The following RYR2 variants were observed in gnomAD, a reference collection of about 807,000 sequenced individuals.
The protein encoded by RYR2 is ryanodine receptor 2, also known as cardiac muscle ryanodine receptor-calcium release channel.
In RYR2, 227 loss-of-function variants were observed where a neutral mutation model predicts 601.1. That is an observed-to-expected ratio of 0.38 (90% confidence interval 0.34 to 0.42). RYR2 has a LOEUF of 0.42. Ranked by LOEUF, RYR2 falls within the 10% of genes least tolerant of loss-of-function variation. The pLI, the probability that RYR2 is intolerant of heterozygous loss-of-function variation, is 1.00. For missense variants in RYR2, 4,646 were observed against 6,156.5 expected (o/e 0.75, Z 8.21); for synonymous variants, 2,223 against 2,175.1 (o/e 1.02, Z -0.61).
intron 78 of RYR2, among the ~76,000 whole-genome samples, chr1:237,732,891 A>T (rs776330490): frequency 1.3e-5 from 2 of 152,110 alleles, no homozygotes; most frequent in Non-Finnish European, 2.9e-5. Context: ...AGAATTTGGG[A>T]TGTAATTTAA....
At chr1:237,279,417 T>G (rs1690625322) in intron 2 of RYR2, among the ~76,000 whole-genome samples, 1 of 152,184 alleles carries the variant, frequency 6.6e-6, no homozygotes, top group Non-Finnish European at 1.5e-5. Context: ...TTATACTAAA[T>G]TAAATTCTGA....
intron 1 of RYR2, among the ~76,000 whole-genome samples, chr1:237,122,864 T>C (rs1670966584): frequency 6.6e-6 from 1 of 152,232 alleles, no homozygotes; most frequent in South Asian, 2.1e-4. Flanking sequence ...ATAATTTCCT[T>C]GAAGGTTAAC....
At chr1:237,295,770 A>G (rs1006792976) in intron 2 of RYR2, among the ~76,000 whole-genome samples, 1 of 152,204 alleles carries the variant, frequency 6.6e-6, no homozygotes, top group Admixed American at 6.5e-5. Context: ...TAAAATTCAT[A>G]CAGGTTTAGT....
intron 17 of RYR2, among the ~76,000 whole-genome samples, chr1:237,479,460 A>C (rs1397192039): frequency 1.3e-5 from 2 of 152,186 alleles, no homozygotes; most frequent in Non-Finnish European, 2.9e-5. Context: ...CTGCAGGAGA[A>C]CTTTTAAAAT....
chr1:237,538,420 A>T (rs1394312027), intron 25 of RYR2, among the ~76,000 whole-genome samples: 5 of 147,510 alleles, frequency 3.4e-5, no homozygotes, highest in African/African-American at 1.2e-4. Context: ...AAAAAAAAAA[A>T]AAAAAAAGGG....
chr1:237,402,820 T>G (rs1277681303), intron 10 of RYR2, among the ~76,000 whole-genome samples: 2 of 10,980 alleles, frequency 1.8e-4, no homozygotes, highest in South Asian at 8.6e-3. Context: ...CTTACTCTAT[T>G]GGGCAGGCTG....
chr1:237,104,051 G>A (rs554595972), intron 1 of RYR2, among the ~76,000 whole-genome samples: 48 of 152,136 alleles, frequency 3.2e-4, no homozygotes, highest in African/African-American at 1.1e-3. Context: ...GCCAAAACCC[G>A]CCTTCACTGC....
intron 25 of RYR2, among the ~76,000 whole-genome samples, chr1:237,537,304 C>CGT (rs1247578805): frequency 1.3e-5 from 2 of 151,808 alleles, no homozygotes; most frequent in Non-Finnish European, 2.9e-5. Flanking sequence ...CCCATCAATC[C>CGT]CTATACAGTT....
Position 237,658,039 on chromosome 1 carries a change from A to AT in RYR2, c.8208+19dup. ...ATGGACAAGGTAAAAAGAGTATTACATTCTAATTCAGTAGTCATTATTAAT... is the reference window on the plus strand; with the variant it reads ...ATGGACAAGGTAAAAAGAGTATTACATTTCTAATTCAGTAGTCATTATTAAT... On this transcript the variant is annotated intron_variant, in intron 54 of 104. Transcript: ENST00000366574. 7.2e-7 allele frequency: 1 copy of AT among 1,379,960 alleles called. No homozygotes were observed. The highest frequency in any genetic ancestry group is 9.7e-7 in the Non-Finnish European group (1 of 1,025,812). 85.5% of individuals were successfully genotyped at this position (1,379,960 alleles called of 1,614,324 possible). A position where few individuals can be genotyped will look rare whatever the true frequency, so the allele number is the denominator to read the frequency against.
At chr1:237,635,799 C>T (rs1204649143) in intron 44 of RYR2, among the ~76,000 whole-genome samples, 1 of 152,290 alleles carries the variant, frequency 6.6e-6, no homozygotes, top group Non-Finnish European at 1.5e-5. Context: ...ACAGCTTTCC[C>T]GCACTCTCTC....
intron 10 of RYR2, among the ~76,000 whole-genome samples, chr1:237,397,868 C>T (rs1440479455): frequency 6.6e-6 from 1 of 151,968 alleles, no homozygotes; most frequent in Non-Finnish European, 1.5e-5. Flanking sequence ...ACTACAGGCA[C>T]CCACCACCAC....
chr1:237,654,188 C>T (rs1418235527), intron 51 of RYR2, 86 bp from the exon 52 acceptor site: 2 of 1,495,462 alleles, frequency 1.3e-6, no homozygotes, highest in Admixed American at 4.0e-5. Context: ...TATAATGTAG[C>T]ATTAGAGTGT....
chr1:237,767,091 G>A (rs1469794343), intron 84 of RYR2, among the ~76,000 whole-genome samples: 1 of 152,148 alleles, frequency 6.6e-6, no homozygotes, highest in African/African-American at 2.4e-5. Flanking sequence ...CCTATGAAAT[G>A]AGGAGTTGAG....
intron 17 of RYR2, among the ~76,000 whole-genome samples, chr1:237,479,738 C>A (rs556380862): frequency 6.6e-6 from 1 of 152,120 alleles, no homozygotes; most frequent in Non-Finnish European, 1.5e-5. Flanking sequence ...ATAATGACTG[C>A]GTAGTTTTTA....
At chr1:237,111,194 G>A (rs998267373) in intron 1 of RYR2, among the ~76,000 whole-genome samples, 1 of 152,226 alleles carries the variant, frequency 6.6e-6, no homozygotes. Flanking sequence ...GACATTCACA[G>A]CACTGTGCTT....
chr1:237,625,526 C>A, intron 39 of RYR2, 135 bp from the exon 40 acceptor site: 1 of 813,124 alleles, frequency 1.2e-6, no homozygotes, highest in Non-Finnish European at 1.9e-6. Context: ...TGGTAAGCAA[C>A]ATTGCTTAAC....
At chr1:237,503,692 T>A (rs1664902387) in intron 22 of RYR2, among the ~76,000 whole-genome samples, 187 bp downstream of exon 22, 1 of 152,202 alleles carries the variant, frequency 6.6e-6, no homozygotes, top group Non-Finnish European at 1.5e-5. Context: ...ACTCATTTTC[T>A]ATTCTATTCT....
chr1:237,066,916 C>T (rs4006358), intron 1 of RYR2, among the ~76,000 whole-genome samples: 113,530 of 151,762 alleles, frequency 0.75, 43,515 homozygotes, highest in East Asian at 0.99. Context: ...GGATTACAGG[C>T]GTGAGCCACC....
intron 1 of RYR2, among the ~76,000 whole-genome samples, chr1:237,253,556 C>T (rs1160121428): frequency 6.6e-6 from 1 of 152,188 alleles, no homozygotes; most frequent in Non-Finnish European, 1.5e-5. Context: ...CATGATTTTG[C>T]TTCATGTGCA....
Sources: allele counts gnomAD v4.1 joint callset (sites outside exome capture counted in the v4.1 genomes callset), GRCh38; gene constraint gnomAD v4.1.1; transcripts MANE v1.5; gene names NCBI Gene and HGNC (gene_info 2026-07-23, HGNC 2026-07-21).